PDE1C: variants seen among roughly 807,000 people sequenced by gnomAD.
PDE1C encodes dual specificity calcium/calmodulin-dependent 3',5'-cyclic nucleotide phosphodiesterase 1C.
Under a neutral mutation model 93.1 loss-of-function variants are expected in PDE1C, and 62 were observed. That is an observed-to-expected ratio of 0.67 (90% CI 0.54 to 0.82). The LOEUF (loss-of-function observed/expected upper bound fraction) is 0.82, where lower values mean the gene tolerates loss of function less well. PDE1C is among the 40% of genes least tolerant of loss of function. PDE1C has a pLI of 0.00. For missense variants in PDE1C, 742 were observed against 884.6 expected (o/e 0.84, Z 2.04); for synonymous variants, 325 against 310.1 (o/e 1.05, Z -0.50).
intron 15 of PDE1C, 46 bp from the exon 16 acceptor site, chr7:31,809,154 G>T (rs754135920): frequency 9.5e-7 from 1 of 1,053,892 alleles, no homozygotes; most frequent in South Asian, 1.3e-5. Context: ...GCAGCTGAGG[G>T]GGTTGTTATA....
intron 1 of PDE1C, among the ~76,000 whole-genome samples, chr7:32,363,086 T>C (rs142626544): frequency 6.6e-6 from 1 of 152,344 alleles, no homozygotes; most frequent in Non-Finnish European, 1.5e-5. Flanking sequence ...TTTATAAATA[T>C]AGTGACCACA....
intron 11 of PDE1C, among the ~76,000 whole-genome samples, chr7:31,835,384 A>G (rs1423431749): frequency 6.6e-6 from 1 of 152,168 alleles, no homozygotes; most frequent in Non-Finnish European, 1.5e-5. Context: ...AGTCACCTGT[A>G]TAGTTCTAGT....
intron 1 of PDE1C, among the ~76,000 whole-genome samples, chr7:32,298,201 T>C (rs1812748626): frequency 6.6e-6 from 1 of 151,866 alleles, no homozygotes; most frequent in African/African-American, 2.4e-5. Flanking sequence ...GGTGTTTCTA[T>C]CAGTGTCCCC....
intron 3 of PDE1C, among the ~76,000 whole-genome samples, chr7:32,095,021 T>C (rs1399671604): frequency 6.6e-6 from 1 of 152,230 alleles, no homozygotes; most frequent in Non-Finnish European, 1.5e-5. Context: ...TCTGCATATC[T>C]TTCCACTAAT....
chr7:31,731,340 A>C, the PDE1C span, among the ~76,000 whole-genome samples: 1 of 151,926 alleles, frequency 6.6e-6, no homozygotes. Context: ...CTGGCTAGGA[A>C]CCACCTCCTA....
intron 1 of PDE1C, among the ~76,000 whole-genome samples, chr7:32,342,755 T>G (rs1199854187): frequency 1.3e-5 from 2 of 152,202 alleles, no homozygotes; most frequent in African/African-American, 4.8e-5. Flanking sequence ...AAAATGGGAC[T>G]ATAATAACAC....
chr7:31,639,436 G>GT, the PDE1C span, among the ~76,000 whole-genome samples: 16 of 151,314 alleles, frequency 1.1e-4, no homozygotes, highest in Admixed American at 2.0e-4. Context: ...TTCAATTTGG[G>GT]TTTTTTTTAA....
At chr7:31,963,810 T>A (rs147400070) in intron 2 of PDE1C, among the ~76,000 whole-genome samples, 1 of 152,214 alleles carries the variant, frequency 6.6e-6, no homozygotes, top group African/African-American at 2.4e-5. Flanking sequence ...GAGAGGGTTA[T>A]GAAAGAATTT....
intron 2 of PDE1C, among the ~76,000 whole-genome samples, chr7:31,942,560 T>C (rs1268426094): frequency 4.6e-5 from 7 of 152,128 alleles, no homozygotes; most frequent in Admixed American, 4.6e-4. Context: ...GTCTCACAGG[T>C]TATAACTGAT....
In PDE1C at chr7:32,184,044, A is replaced by G. The variant is rs563696248; in HGVS notation, c.137-14088T>C. Among the ~76,000 whole-genome samples, 386 of 152,256 alleles carry G rather than the reference A, an allele frequency of 2.5e-3. 1 individual carries two copies. The highest frequency in any genetic ancestry group is 8.9e-3 in the African/African-American group (368 of 41,484). ...TTTATGCAGCCAAAAGACACATGAA[A>G]AAATGCTCATCATCACTGGCCATCA... On this transcript the variant is annotated intron_variant, in intron 2 of 18. Coordinates refer to the PDE1C transcript ENST00000396193.
chr7:32,302,929 C>G (rs1476566291), upstream of PDE1C, among the ~76,000 whole-genome samples: 1 of 152,140 alleles, frequency 6.6e-6, no homozygotes, highest in Admixed American at 6.5e-5. Context: ...CTCATGGACA[C>G]CTATCCAGCT....
intron 2 of PDE1C, among the ~76,000 whole-genome samples, chr7:31,970,087 A>G (rs906148982): frequency 2.0e-5 from 3 of 152,210 alleles, no homozygotes; most frequent in African/African-American, 7.2e-5. Context: ...GCACAGGTAT[A>G]CATATGTAAC....
chr7:32,282,260 T>C (rs1309813713), intron 1 of PDE1C, among the ~76,000 whole-genome samples: 2 of 151,984 alleles, frequency 1.3e-5, no homozygotes, highest in East Asian at 3.9e-4. Context: ...GCAGATCTCC[T>C]GAGGCCAGGA....
chr7:32,309,374 A>G (rs1813107972), intron 1 of PDE1C, among the ~76,000 whole-genome samples: 1 of 152,244 alleles, frequency 6.6e-6, no homozygotes, highest in Non-Finnish European at 1.5e-5. Flanking sequence ...GCAGGCCAAC[A>G]TTCAGACTCA....
intron 3 of PDE1C, among the ~76,000 whole-genome samples, chr7:32,104,291 A>T (rs1327176082): frequency 6.6e-6 from 1 of 152,174 alleles, no homozygotes; most frequent in Non-Finnish European, 1.5e-5. Context: ...AGGGTGAAAA[A>T]AGTGCAGTTG....
At chr7:32,336,367 A>G (rs1783625198) in intron 1 of PDE1C, among the ~76,000 whole-genome samples, 1 of 152,212 alleles carries the variant, frequency 6.6e-6, no homozygotes, top group African/African-American at 2.4e-5. Context: ...TTAATCCATT[A>G]GAGAGAGATT....
rs1045004500 is a variant in PDE1C at position 32,298,792 on chromosome 7, C to A, written c.-57G>T. 19 of 1,537,986 alleles carry A rather than the reference C, an allele frequency of 1.2e-5. No individual in the cohort carries two copies. In the South Asian group the frequency reaches 1.4e-4, roughly 12 times the overall value. On this transcript the variant is annotated 5_prime_UTR_variant, in exon 1 of 19. Coordinates refer to the PDE1C transcript ENST00000396193. ...GAGACCAGCGGCGTCTGCGGTCCCCCCCACGGCGGAGTGAGCAGCCCGGGG... is the reference window on the plus strand; with the variant it reads ...GAGACCAGCGGCGTCTGCGGTCCCCACCACGGCGGAGTGAGCAGCCCGGGG...
At chr7:32,123,472 G>A (rs375326204) in intron 3 of PDE1C, among the ~76,000 whole-genome samples, 20 of 151,472 alleles carry the variant, frequency 1.3e-4, no homozygotes, top group African/African-American at 2.7e-4. Context: ...ATAAAACACC[G>A]GCAAACCACT....
intron 1 of PDE1C, among the ~76,000 whole-genome samples, chr7:32,362,231 AGT>A (rs1429891784): frequency 1.2e-4 from 18 of 151,830 alleles, no homozygotes; most frequent in Admixed American, 9.2e-4. Context: ...GCATGGATGG[AGT>A]GTGTGTGTGG....
Sources: allele counts gnomAD v4.1 joint callset (sites outside exome capture counted in the v4.1 genomes callset), GRCh38; gene constraint gnomAD v4.1.1; transcripts MANE v1.5; gene names NCBI Gene and HGNC (gene_info 2026-07-23, HGNC 2026-07-21).